Variants in FAM171A1 observed in about 807,000 individuals in gnomAD.
FAM171A1 encodes family with sequence similarity 171 member A1, also known as protein FAM171A1.
FAM171A1 carries 23 observed loss-of-function variants against 74.9 expected under a neutral mutation model. The observed-to-expected ratio is 0.31, with a 90% confidence interval of 0.22 to 0.44. The LOEUF (loss-of-function observed/expected upper bound fraction) is 0.44, where lower values mean the gene tolerates loss of function less well. FAM171A1 is among the 20% of genes least tolerant of loss of function. The pLI is 1.00. For missense variants in FAM171A1, 1,162 were observed against 1,159.2 expected, an observed-to-expected ratio of 1.00 and a Z score of -0.03; for synonymous variants, 527 against 505.7, an observed-to-expected ratio of 1.04 and a Z score of -0.57.
intron 2 of FAM171A1, among the ~76,000 whole-genome samples, chr10:15,278,618 G>A (rs915084966): frequency 3.9e-5 from 6 of 152,170 alleles, no homozygotes; most frequent in Non-Finnish European, 7.3e-5. Context: ...ATGAATCTTG[G>A]AAACATCAGG....
chr10:15,262,625 T>C (rs760289029), intron 3 of FAM171A1, among the ~76,000 whole-genome samples: 3 of 152,180 alleles, frequency 2.0e-5, no homozygotes, highest in Non-Finnish European at 4.4e-5. Flanking sequence ...TAAAGACATG[T>C]GCCTGGCAAG....
At chr10:15,278,292 A>G (rs899786384) in intron 2 of FAM171A1, among the ~76,000 whole-genome samples, 2 of 152,220 alleles carry the variant, frequency 1.3e-5, no homozygotes, top group African/African-American at 4.8e-5. Context: ...TGGGCCAGGT[A>G]CCAGGAGAAA....
chr10:15,250,123 C>T (rs753498387), intron 4 of FAM171A1, among the ~76,000 whole-genome samples: 1 of 152,128 alleles, frequency 6.6e-6, no homozygotes, highest in Non-Finnish European at 1.5e-5. Context: ...CAGCTAAATC[C>T]TTCATACAGC....
At chr10:15,243,446 CTTT>C (rs1369057946) in intron 5 of FAM171A1, among the ~76,000 whole-genome samples, 1 of 152,142 alleles carries the variant, frequency 6.6e-6, no homozygotes, top group Non-Finnish European at 1.5e-5. Flanking sequence ...TCAAAAACTT[CTTT>C]AAGTTTGTTA....
intron 5 of FAM171A1, among the ~76,000 whole-genome samples, chr10:15,232,970 T>A (rs1371731661): frequency 6.6e-6 from 1 of 152,206 alleles, no homozygotes; most frequent in Non-Finnish European, 1.5e-5. Flanking sequence ...TTCTAATGGA[T>A]AAGCTCAGCT....
rs572984970 is a variant in FAM171A1 at position 15,216,130 on chromosome 10, C to A, written c.872-20G>T. Reference sequence around the variant, plus strand: ...CGGGACCTAGAAGGTCAGAAAATGGCATTTAGAGTTTTGAACACCTTTAAC... The same window carrying A: ...CGGGACCTAGAAGGTCAGAAAATGGAATTTAGAGTTTTGAACACCTTTAAC... On this transcript the variant is annotated intron_variant, in intron 6 of 7. Coordinates refer to ENST00000378116, the MANE Select transcript of FAM171A1 (RefSeq NM_001010924.2). 69 of 1,519,998 alleles carry A rather than the reference C, an allele frequency of 4.5e-5. No homozygotes were observed. The highest frequency in any genetic ancestry group is 5.8e-5 in the Non-Finnish European group (65 of 1,118,154). 94.2% of individuals were successfully genotyped at this position (1,519,998 alleles called of 1,614,324 possible). A position where few individuals can be genotyped will look rare whatever the true frequency, so the allele number is the denominator to read the frequency against.
intron 3 of FAM171A1, among the ~76,000 whole-genome samples, chr10:15,256,247 A>C (rs76534723): frequency 0.011 from 1,705 of 152,270 alleles, 32 homozygotes; most frequent in African/African-American, 0.039. Flanking sequence ...GGAGTGAAGA[A>C]GCCTGTCTAG....
At chr10:15,281,337 T>C (rs1200955699) in intron 2 of FAM171A1, among the ~76,000 whole-genome samples, 1 of 152,192 alleles carries the variant, frequency 6.6e-6, no homozygotes, top group Admixed American at 6.5e-5. Flanking sequence ...GTATCTTTAT[T>C]ATATTGAAAA....
chr10:15,229,194 G>C (rs79215829), intron 5 of FAM171A1, among the ~76,000 whole-genome samples: 10,129 of 152,140 alleles, frequency 0.067, 467 homozygotes, highest in East Asian at 0.19. Flanking sequence ...CATTTAGGGT[G>C]GGGGGCAAGG....
intron 1 of FAM171A1, among the ~76,000 whole-genome samples, chr10:15,333,849 AAAG>A (rs1285475353): frequency 8.3e-6 from 1 of 121,182 alleles, no homozygotes; most frequent in Non-Finnish European, 2.0e-5. Flanking sequence ...GAAAAAAAGA[AAAG>A]AATACTAAAA....
chr10:15,296,786 C>T (rs1394422778), intron 1 of FAM171A1, among the ~76,000 whole-genome samples: 2 of 152,182 alleles, frequency 1.3e-5, no homozygotes, highest in Non-Finnish European at 2.9e-5. Context: ...TGGAAGTTTA[C>T]AGTCTCTAGA....
intron 1 of FAM171A1, among the ~76,000 whole-genome samples, chr10:15,328,491 C>A (rs1308648656): frequency 6.6e-6 from 1 of 152,248 alleles, no homozygotes; most frequent in East Asian, 1.9e-4. Context: ...GAACAAGATG[C>A]CTTGTAGTTT....
Position 15,254,728 on chromosome 10 carries a change from A to T in FAM171A1, c.570T>A (p.Asn190Lys), listed in dbSNP as rs1834554506. 6.2e-7 allele frequency: 1 copy of T among 1,613,842 alleles called. No individual in the cohort carries two copies. The highest frequency in any genetic ancestry group is 1.3e-5 in the African/African-American group (1 of 74,918). The change falls in exon 4 of 8, where the codon AAT becomes AAA. Residue 190 changes from asparagine (N) to lysine (K), a missense_variant. Physicochemically the swap from Asn to Lys is moderately conservative, Grantham distance 94 (BLOSUM62 0). Coordinates refer to ENST00000378116, the MANE Select transcript of FAM171A1 (RefSeq NM_001010924.2). ...AGAAAAGACTCCAATTACCTGTTCCATTTCCGTCTAATCCTCGCAAATAAG... is the reference window on the plus strand; with the variant it reads ...AGAAAAGACTCCAATTACCTGTTCCTTTTCCGTCTAATCCTCGCAAATAAG... ...SFPYLRGLDGNGTGNSTRHDL... is the reference protein window; with the variant it reads ...SFPYLRGLDGKGTGNSTRHDL...
Position 15,213,658 on chromosome 10 carries a change from A to G in FAM171A1, c.1930T>C (p.Ser644Pro). Residue 644 changes from serine to proline, a missense_variant, in exon 8 of 8, where the codon TCT becomes CCT. By Grantham distance (74) the Ser-to-Pro change is moderately conservative. Coordinates refer to ENST00000378116, the MANE Select transcript of FAM171A1 (RefSeq NM_001010924.2). This position sits in a 1 kb window ranked among gnomAD's most constrained non-coding sequence, Gnocchi z 6.8. ...QPQPLSSQAI[S>P]QQHLQDAGTR... The stretch of plus-strand genomic sequence containing the variant: ...CCCGCATCCTGCAGGTGCTGCTGAG[A>G]GATGGCCTGGGAAGACAGGGGCTGG... 6.2e-7 allele frequency: 1 copy of G among 1,613,888 alleles called. No homozygotes were observed. The highest frequency in any genetic ancestry group is 8.5e-7 in the Non-Finnish European group (1 of 1,179,900).
At chr10:15,323,861 C>T (rs1445353292) in intron 1 of FAM171A1, among the ~76,000 whole-genome samples, 1 of 151,996 alleles carries the variant, frequency 6.6e-6, no homozygotes, top group Non-Finnish European at 1.5e-5. Flanking sequence ...AAAAAAAATC[C>T]TTAAACACAG....
intron 5 of FAM171A1, among the ~76,000 whole-genome samples, chr10:15,234,531 C>G (rs1258803915): frequency 6.6e-6 from 1 of 152,178 alleles, no homozygotes; most frequent in Non-Finnish European, 1.5e-5. Flanking sequence ...GTTTAAATAC[C>G]CTATAGCAGT....
chr10:15,247,258 A>G (rs1437050365), intron 5 of FAM171A1, among the ~76,000 whole-genome samples: 1 of 152,150 alleles, frequency 6.6e-6, no homozygotes, highest in East Asian at 1.9e-4. Context: ...ATGTATTTTT[A>G]TGTATATATT....
intron 1 of FAM171A1, among the ~76,000 whole-genome samples, chr10:15,331,913 A>G (rs897872156): frequency 2.8e-5 from 4 of 143,742 alleles, no homozygotes; most frequent in African/African-American, 7.6e-5. Flanking sequence ...ATTAAGATTC[A>G]AGACCTGAGG....
chr10:15,257,499 T>TA (rs1834595904), intron 3 of FAM171A1, among the ~76,000 whole-genome samples: 1 of 152,090 alleles, frequency 6.6e-6, no homozygotes, highest in African/African-American at 2.4e-5. Flanking sequence ...GATCAAGTGT[T>TA]ACATGCATTT....
Sources: allele counts gnomAD v4.1 joint callset (sites outside exome capture counted in the v4.1 genomes callset), GRCh38; gene constraint gnomAD v4.1.1; non-coding constraint Gnocchi (gnomAD v3.1); transcripts MANE v1.5; gene names NCBI Gene and HGNC (gene_info 2026-07-23, HGNC 2026-07-21).